Variants in AKAP9 observed in about 807,000 individuals in gnomAD.
AKAP9 encodes A-kinase anchoring protein 9, also known as A-kinase anchor protein 9.
AKAP9 carries 311 observed loss-of-function variants against 488.5 expected under a neutral mutation model. That is an observed-to-expected ratio of 0.64 (90% CI 0.58 to 0.70). AKAP9 has a LOEUF of 0.70. Among genes scored for constraint, AKAP9 ranks in the 30% least tolerant of loss-of-function variants. The pLI is 0.00. For synonymous variants in AKAP9, 1,462 were observed against 1,483.5 expected (o/e 0.99, Z 0.33); for missense variants, 4,215 against 4,374.5 (o/e 0.96, Z 1.03).
Position 92,081,497 on chromosome 7 carries a change from A to ATATTTTT in AKAP9, c.8020-1024_8020-1023insATTTTTT, listed in dbSNP as rs1370452281. On this transcript the variant is annotated intron_variant, in intron 31 of 49. Coordinates refer to ENST00000356239, the MANE Select transcript of AKAP9 (RefSeq NM_005751.5). ...TTTATATATATATATATATATATATATTTTTTTTTTTTTAGTAGAGACGAG... is the reference window on the plus strand; with the variant it reads ...TTTATATATATATATATATATATATATATTTTTTTTTTTTTTTTTTAGTAGAGACGAG... Among the ~76,000 whole-genome samples the ATATTTTT allele has an allele frequency of 3.5e-5, 3 of 85,380 alleles. No homozygotes were observed. The Admixed American group carries it at 4.2e-4, about 12-fold the overall frequency. The allele number at this position is 85,380 out of a possible 152,430, so 56.0% of individuals were successfully genotyped here.
intron 2 of AKAP9, among the ~76,000 whole-genome samples, chr7:91,978,022 G>A (rs1011267285): frequency 6.6e-6 from 1 of 152,022 alleles, no homozygotes; most frequent in African/African-American, 2.4e-5. Flanking sequence ...TGGGCAGATC[G>A]CTAGAAGTTA....
At position 92,055,379 on chromosome 7, in the gene AKAP9, G is replaced by A. The variant is rs115043972; in HGVS notation, c.5601+2421G>A. Among the ~76,000 whole-genome samples, 1,480 of 152,136 alleles carry A rather than the reference G, an allele frequency of 9.7e-3. 33 individuals are homozygous for A. The highest frequency in any genetic ancestry group is 0.034 in the African/African-American group (1,410 of 41,532). On this transcript the variant is annotated intron_variant, in intron 22 of 49. Transcript: ENST00000356239. ...TATGCTTAGCATTGGTCTAGGCTCC[G>A]TCAGGGTAATGTTTGCAGGTTATAG... is the stretch of plus-strand genomic sequence containing the variant.
rs1429267561 is a variant in AKAP9 at position 92,002,035 on chromosome 7, G to T, written c.2118G>T (p.Gln706His). The T allele has an allele frequency of 4.4e-6, 7 of 1,606,768 alleles. No individual in the cohort carries two copies. Among genetic ancestry groups the T allele is most frequent in the Non-Finnish European group, 4.2e-6 (5 of 1,177,306 alleles). Reference protein sequence around the residue: ...ILEISKLKDLQQSLVNSKSEE... With the variant: ...ILEISKLKDLHQSLVNSKSEE... Reference sequence around the variant, plus strand: ...AAATTTCAAAGCTAAAAGATTTACAGCAGTCTCTTGTAAATTCAAAGTCAG... The same window carrying T: ...AAATTTCAAAGCTAAAAGATTTACATCAGTCTCTTGTAAATTCAAAGTCAG... Residue 706 changes from glutamine to histidine, a missense_variant, in exon 8 of 50, where the codon CAG becomes CAT. Coordinates refer to ENST00000356239, the MANE Select transcript of AKAP9 (RefSeq NM_005751.5).
In AKAP9 at chr7:92,002,216, C is replaced by T; in HGVS notation, c.2299C>T (p.Gln767Ter). 1.9e-6 allele frequency: 3 copies of T among 1,590,068 alleles called. No individual in the cohort carries two copies. The highest frequency in any genetic ancestry group is 2.6e-6 in the Non-Finnish European group (3 of 1,173,784). The change falls in exon 8 of 50, where the codon CAA becomes TAA. Residue 767 changes from glutamine (Q) to a stop codon, truncating the protein, a stop_gained. Transcript: ENST00000356239. LOFTEE classifies it high-confidence loss of function. ...KQMKEKENDL[Q>*]EKFAQLEAEN... is the part of the protein sequence containing the mutation. ...GATGAAGGAAAAAGAGAATGATCTT[C>T]AAGAAAAATTTGCACAACTTGAAGC...
At chr7:92,046,159 A>G (rs983501238) in intron 21 of AKAP9, among the ~76,000 whole-genome samples, 8 of 151,750 alleles carry the variant, frequency 5.3e-5, no homozygotes, top group Non-Finnish European at 1.2e-4. Context: ...TTCCCATCAC[A>G]TTGCTGAACT....
chr7:92,086,227 G>C lies in AKAP9; in HGVS notation c.9025-1G>C, dbSNP rs374537447. 6.8e-6 allele frequency: 11 copies of C among 1,612,750 alleles called. No individual in the cohort carries two copies. The highest frequency in any genetic ancestry group is 8.5e-6 in the Non-Finnish European group (10 of 1,179,022). On this transcript the variant is annotated splice_acceptor_variant, in intron 36 of 49. Transcript: ENST00000356239. LOFTEE classifies it high-confidence loss of function. ...AACTATCGTTATATGTACTTTGCTA[G>C]GTTTATGATAGTTCTCAATCTCATG...
Position 92,038,508 on chromosome 7 carries a change from A to G in AKAP9, c.4428A>G (p.Gln1476=). ...AAGAAAATACTGCATCATCAAAGCAAGCACATGCTGTGTGTCAGCAAGAAC... is the reference window on the plus strand; with the variant it reads ...AAGAAAATACTGCATCATCAAAGCAGGCACATGCTGTGTGTCAGCAAGAAC... ...GGKENTASSK[Q]AHAVCQQEQH... Residue 1476 remains glutamine, a synonymous_variant, in exon 17 of 50, where the codon CAA becomes CAG. Transcript: ENST00000356239. The G allele has an allele frequency of 6.2e-7, 1 of 1,613,994 alleles. No homozygotes were observed. The highest frequency in any genetic ancestry group is 1.1e-5 in the South Asian group (1 of 91,082).
intron 21 of AKAP9, among the ~76,000 whole-genome samples, chr7:92,049,592 C>G (rs1273719316): frequency 6.6e-6 from 1 of 151,934 alleles, no homozygotes; most frequent in East Asian, 1.9e-4. Context: ...GCCTGGGCGA[C>G]AGAGTGAGAC....
At chr7:92,084,058 T>C (rs536943197) in intron 33 of AKAP9, among the ~76,000 whole-genome samples, 31 of 152,304 alleles carry the variant, frequency 2.0e-4, no homozygotes, top group Admixed American at 1.8e-3. Context: ...CTCCCACTTA[T>C]GAGTGAGAAC....
chr7:92,100,378 A>T (rs567420586), intron 44 of AKAP9, among the ~76,000 whole-genome samples: 1 of 152,364 alleles, frequency 6.6e-6, no homozygotes, highest in East Asian at 1.9e-4. Flanking sequence ...GTATAAAATT[A>T]ATTGCTAGTT....
At chr7:92,038,370 G>C (rs1217630661) in intron 16 of AKAP9, 49 bp from the exon 17 acceptor site, 2 of 1,452,076 alleles carry the variant, frequency 1.4e-6, no homozygotes, top group African/African-American at 2.8e-5. Context: ...TTAAATTCCT[G>C]CTGATATTTC....
At chr7:92,109,420 A>G (rs1297475998) in intron 49 of AKAP9, among the ~76,000 whole-genome samples, 1 of 152,068 alleles carries the variant, frequency 6.6e-6, no homozygotes, top group African/African-American at 2.4e-5. Context: ...TTTTATTATC[A>G]TAGCTGAGTT....
intron 1 of AKAP9, among the ~76,000 whole-genome samples, chr7:91,949,301 A>C (rs1316185402): frequency 6.6e-6 from 1 of 152,074 alleles, no homozygotes; most frequent in African/African-American, 2.4e-5. Context: ...GCTTTGCCAA[A>C]ATTTAAATTG....
chr7:92,033,717 C>T lies in AKAP9; in HGVS notation c.4338+2113C>T, dbSNP rs183984025. Among the ~76,000 whole-genome samples, 252 of 152,228 alleles carry T rather than the reference C, an allele frequency of 1.7e-3. 2 individuals carry two copies. The highest frequency in any genetic ancestry group is 5.8e-3 in the African/African-American group (240 of 41,532). On this transcript the variant is annotated intron_variant, in intron 16 of 49. Coordinates refer to ENST00000356239, the MANE Select transcript of AKAP9 (RefSeq NM_005751.5). ...CCTACCAAAGTGCTGGAATAGCAGG[C>T]GTGAGCCACCATGCCTGGCTGAGAA...
At chr7:92,064,179 T>C (rs1810379190) in intron 24 of AKAP9, among the ~76,000 whole-genome samples, 1 of 152,172 alleles carries the variant, frequency 6.6e-6, no homozygotes, top group Admixed American at 6.6e-5. Context: ...GTATGTAAGA[T>C]GATGGTAGCA....
chr7:92,102,961 G>A (rs1302729578), intron 46 of AKAP9, 135 bp downstream of exon 46: 1 of 831,430 alleles, frequency 1.2e-6, no homozygotes, highest in Non-Finnish European at 1.9e-6. Flanking sequence ...ACTGAAGCAT[G>A]TCTGCTTTTT....
intron 47 of AKAP9, among the ~76,000 whole-genome samples, chr7:92,106,701 A>G (rs1430590508): frequency 6.6e-6 from 1 of 152,206 alleles, no homozygotes. Flanking sequence ...GAATCTGGGG[A>G]GCACACAGAG....
rs79149336 is a variant in AKAP9, at chr7:91,998,735, A to G, written c.931-2113A>G. ...AACAGTTTAACTGGAATTGACCACC[A>G]TGAACTGATTTTACTTTCTCATAGA... On this transcript the variant is annotated intron_variant, in intron 7 of 49. Transcript: ENST00000356239. Among the ~76,000 whole-genome samples, 274 of 152,246 alleles carry G rather than the reference A, an allele frequency of 1.8e-3. 9 individuals carry two copies. The East Asian group carries it at 0.049, about 27-fold the overall frequency.
At chr7:91,996,287 A>G (rs901338595) in intron 7 of AKAP9, among the ~76,000 whole-genome samples, 8 of 152,190 alleles carry the variant, frequency 5.3e-5, no homozygotes, top group Non-Finnish European at 1.0e-4. Context: ...GTGTCCGTGT[A>G]TGGGTGCGTA....
Sources: allele counts gnomAD v4.1 joint callset (sites outside exome capture counted in the v4.1 genomes callset), GRCh38; gene constraint gnomAD v4.1.1; transcripts MANE v1.5; gene names NCBI Gene and HGNC (gene_info 2026-07-23, HGNC 2026-07-21).